Variants in NELL2 observed in about 807,000 individuals in gnomAD.
NELL2 encodes the protein protein kinase C-binding protein NELL2.
NELL2 carries 41 observed loss-of-function variants against 109.6 expected under a neutral mutation model. That is an observed-to-expected ratio of 0.37 (90% CI 0.29 to 0.49). The LOEUF (loss-of-function observed/expected upper bound fraction) is 0.49. NELL2 is among the 20% of genes least tolerant of loss of function. The pLI is 0.98. For synonymous variants in NELL2, 355 were observed against 344.7 expected (o/e 1.03, Z -0.33); for missense variants, 900 against 1,008.3 (o/e 0.89, Z 1.45).
At chr12:44,732,274 A>C (rs1021034287) in intron 9 of NELL2, among the ~76,000 whole-genome samples, 17 of 152,004 alleles carry the variant, frequency 1.1e-4, no homozygotes, top group Non-Finnish European at 2.5e-4. Context: ...AAATCTTGAG[A>C]AATAACAAAG....
At chr12:44,759,536 G>C (rs1256315569) in intron 9 of NELL2, among the ~76,000 whole-genome samples, 1 of 152,144 alleles carries the variant, frequency 6.6e-6, no homozygotes, top group Non-Finnish European at 1.5e-5. Context: ...TGACACACCA[G>C]CTAACTAACA....
chr12:44,595,790 A>G (rs1422552781), intron 15 of NELL2, among the ~76,000 whole-genome samples: 1 of 151,812 alleles, frequency 6.6e-6, no homozygotes, highest in Admixed American at 6.6e-5. Context: ...GTTCAAGTTC[A>G]CTCTTATTCA....
intron 13 of NELL2, among the ~76,000 whole-genome samples, chr12:44,633,494 T>G (rs893528415): frequency 4.6e-5 from 7 of 152,108 alleles, no homozygotes; most frequent in Non-Finnish European, 1.0e-4. Flanking sequence ...ACACACATCT[T>G]AAATGCTTAA....
At chr12:44,833,909 G>A (rs561286015) in intron 2 of NELL2, among the ~76,000 whole-genome samples, 25 of 152,244 alleles carry the variant, frequency 1.6e-4, no homozygotes, top group Admixed American at 1.0e-3. Context: ...CGAAAGTATC[G>A]GAGTGGAGTT....
At chr12:44,665,694 G>C in intron 12 of NELL2, 85 bp from the exon 13 acceptor site, 4 of 1,371,316 alleles carry the variant, frequency 2.9e-6, no homozygotes, top group Non-Finnish European at 3.9e-6. Context: ...GGAGAGGGAA[G>C]TATTTACTAA....
intron 19 of NELL2, among the ~76,000 whole-genome samples, chr12:44,514,647 G>A (rs1941174458): frequency 6.6e-6 from 1 of 151,616 alleles, no homozygotes; most frequent in East Asian, 1.9e-4. Flanking sequence ...GTATATTGTG[G>A]TTTCAGGCAT....
chr12:44,578,471 A>G (rs1944196723), intron 15 of NELL2, among the ~76,000 whole-genome samples: 1 of 152,138 alleles, frequency 6.6e-6, no homozygotes, highest in African/African-American at 2.4e-5. Context: ...TAGAGTTAAG[A>G]GAAATAGGAA....
At chr12:44,747,732 A>G (rs1217855769) in intron 9 of NELL2, among the ~76,000 whole-genome samples, 1 of 152,094 alleles carries the variant, frequency 6.6e-6, no homozygotes, top group South Asian at 2.1e-4. Context: ...AGTTTTATCT[A>G]TTACCCATGT....
chr12:44,589,088 G>A (rs1267174045), intron 15 of NELL2, among the ~76,000 whole-genome samples: 1 of 152,162 alleles, frequency 6.6e-6, no homozygotes, highest in Non-Finnish European at 1.5e-5. Flanking sequence ...GAAAGATGGA[G>A]TTACTTCTCA....
intron 15 of NELL2, among the ~76,000 whole-genome samples, chr12:44,577,537 C>T (rs1944149383): frequency 7.3e-6 from 1 of 137,166 alleles, no homozygotes. Context: ...TGCAGTGGCA[C>T]GATGATCTCG....
chr12:44,596,284 G>C (rs529876186), intron 15 of NELL2, among the ~76,000 whole-genome samples: 6 of 152,216 alleles, frequency 3.9e-5, no homozygotes, highest in African/African-American at 1.4e-4. Context: ...TGCTATTTCA[G>C]TCATTTTAGC....
intron 3 of NELL2, among the ~76,000 whole-genome samples, chr12:44,790,191 A>G (rs1942329169): frequency 6.6e-6 from 1 of 152,170 alleles, no homozygotes; most frequent in South Asian, 2.1e-4. Context: ...ATCTAAAGTT[A>G]AGATGAAGGA....
intron 15 of NELL2, among the ~76,000 whole-genome samples, chr12:44,587,284 A>AAAAAAAAAAAAATATAT: frequency 6.8e-4 from 49 of 72,192 alleles, no homozygotes; most frequent in East Asian, 4.0e-3. Flanking sequence ...AAAAAAAAAA[A>AAAAAAAAAAAAATATAT]ATATATATAT....
intron 15 of NELL2, among the ~76,000 whole-genome samples, chr12:44,546,717 C>T (rs776334349): frequency 6.6e-6 from 1 of 152,152 alleles, no homozygotes; most frequent in African/African-American, 2.4e-5. Context: ...CATGATCAAT[C>T]AGATCAGTTG....
rs1203496179 is a variant in NELL2 at position 44,886,582 on chromosome 12, A to G, written c.39-10682T>C. ...TGAGGTATATGAGATAATTTAATAC[A>G]CTCATATAATTTGTAAAGATCAAAT... On this transcript the variant is annotated intron_variant, in intron 1 of 20. Transcript: ENST00000333837. Among the ~76,000 whole-genome samples, 5 of 152,106 alleles carry G rather than the reference A, an allele frequency of 3.3e-5. No homozygotes were observed. In the South Asian group the frequency reaches 1.0e-3, roughly 32 times the overall value.
intron 2 of NELL2, among the ~76,000 whole-genome samples, chr12:44,825,694 C>T (rs1310486076): frequency 6.7e-6 from 1 of 150,150 alleles, no homozygotes; most frequent in Non-Finnish European, 1.5e-5. Context: ...CCGCACCCAG[C>T]CTATTCATTT....
At chr12:44,610,178 T>C (rs1242738422) in intron 14 of NELL2, among the ~76,000 whole-genome samples, 3 of 149,688 alleles carry the variant, frequency 2.0e-5, no homozygotes, top group African/African-American at 7.4e-5. Flanking sequence ...CTATAACATG[T>C]AGAGAATCAA....
chr12:44,818,515 G>C (rs1034396380), intron 2 of NELL2, among the ~76,000 whole-genome samples: 2 of 152,102 alleles, frequency 1.3e-5, no homozygotes, highest in Admixed American at 1.3e-4. Flanking sequence ...CAAAGAGATA[G>C]AGCTCTTACA....
At chr12:44,786,844 G>T (rs2087353755) in intron 3 of NELL2, among the ~76,000 whole-genome samples, 1 of 152,104 alleles carries the variant, frequency 6.6e-6, no homozygotes, top group South Asian at 2.1e-4. Flanking sequence ...CATGGACACA[G>T]AGAGGAGAAC....
Sources: gnomAD v4.1 joint callset for allele counts (sites outside exome capture counted in the v4.1 genomes callset) on GRCh38, gnomAD v4.1.1 for gene constraint, MANE v1.5 for transcripts, NCBI Gene and HGNC (gene_info 2026-07-23, HGNC 2026-07-21) for gene names.